Variants in DNAH11 observed in about 807,000 individuals in gnomAD.
DNAH11 encodes axonemal beta dynein heavy chain 11.
A neutral mutation model predicts 526.0 loss-of-function variants in DNAH11; 442 were observed. The observed-to-expected ratio is 0.84, with a 90% CI of 0.78 to 0.91. The LOEUF (loss-of-function observed/expected upper bound fraction) is 0.91. DNAH11 is among the 40% of genes least tolerant of loss of function. DNAH11 has a pLI of 0.00. For synonymous variants in DNAH11, 2,461 were observed against 1,935.9 expected, an observed-to-expected ratio of 1.27 and a Z score of -7.12; for missense variants, 6,989 against 5,448.7, an observed-to-expected ratio of 1.28 and a Z score of -8.90.
chr7:21,900,024 A>G lies in DNAH11; in HGVS notation c.13207A>G (p.Lys4403Glu), dbSNP rs985567563. ...TCGAAAAAATGAGTGGCCCCTGGATAAAACGCGCTTGACTGCTGATGTTAC... is the reference window on the plus strand; with the variant it reads ...TCGAAAAAATGAGTGGCCCCTGGATGAAACGCGCTTGACTGCTGATGTTAC... ...MARKNEWPLD[K>E]TRLTADVTKK... The change falls in exon 81 of 82, where the codon AAA becomes GAA. Residue 4403 changes from lysine (K) to glutamate (E), a missense_variant. By Grantham distance (56) the Lys-to-Glu change is moderately conservative. Transcript: ENST00000409508. The G allele has an allele frequency of 6.2e-7, 1 of 1,613,996 alleles. No homozygotes were observed. The highest frequency in any genetic ancestry group is 8.5e-7 in the Non-Finnish European group (1 of 1,179,872).
chr7:21,778,658 G>A (rs1274030710), intron 56 of DNAH11, among the ~76,000 whole-genome samples: 1 of 152,106 alleles, frequency 6.6e-6, no homozygotes, highest in African/African-American at 2.4e-5. Context: ...AGCAGACGTG[G>A]GTAAAGGAGC....
At position 21,560,211 on chromosome 7, in the gene DNAH11, A is replaced by C. The variant is rs188257241; in HGVS notation, c.882+419A>C. ...CTTACTTAAGGTTCTAAAAGTTAAG[A>C]CATCCATTCACATGTCTTTTGGAGA... On this transcript the variant is annotated intron_variant, in intron 4 of 81. Coordinates refer to ENST00000409508, the MANE Select transcript of DNAH11 (RefSeq NM_001277115.2). Among the ~76,000 whole-genome samples the C allele has an allele frequency of 2.6e-3, 396 of 152,346 alleles. 3 individuals carry two copies. The highest frequency in any genetic ancestry group is 3.7e-3 in the Non-Finnish European group (249 of 68,042).
At position 21,789,299 on chromosome 7, in the gene DNAH11, C is replaced by T; in HGVS notation, c.9983C>T (p.Ala3328Val). Reference protein sequence around the residue: ...QALAQANLELAAATEKLEAIR... With the variant: ...QALAQANLELVAATEKLEAIR... ...TTAGCCCAAGCAAACTTAGAACTGGCTGCAGCTACTGAAAAACTAGAGGCT... is the reference window on the plus strand; with the variant it reads ...TTAGCCCAAGCAAACTTAGAACTGGTTGCAGCTACTGAAAAACTAGAGGCT... The change falls in exon 61 of 82, where the codon GCT becomes GTT. Residue 3328 changes from alanine to valine, a missense_variant. By Grantham distance (64) the Ala-to-Val change is moderately conservative. Transcript: ENST00000409508. The T allele has an allele frequency of 1.3e-6, 2 of 1,576,880 alleles. No homozygotes were observed. The highest frequency in any genetic ancestry group is 1.7e-6 in the Non-Finnish European group (2 of 1,160,806).
At chr7:21,878,601 A>C (rs1305295180) in intron 74 of DNAH11, among the ~76,000 whole-genome samples, 2 of 152,202 alleles carry the variant, frequency 1.3e-5, no homozygotes, top group Non-Finnish European at 2.9e-5. Context: ...CAAGCCCCAT[A>C]AATGACCTAA....
chr7:21,813,530 T>C (rs1045332726), intron 63 of DNAH11, among the ~76,000 whole-genome samples: 2 of 152,232 alleles, frequency 1.3e-5, no homozygotes, highest in African/African-American at 4.8e-5. Context: ...AAACTGGCAG[T>C]ATTACCTCCA....
At chr7:21,852,170 C>A (rs1245472547) in intron 66 of DNAH11, among the ~76,000 whole-genome samples, 1 of 151,944 alleles carries the variant, frequency 6.6e-6, no homozygotes, top group Non-Finnish European at 1.5e-5. Flanking sequence ...TTTGGGAGGC[C>A]TAGGTGGGTG....
intron 46 of DNAH11, among the ~76,000 whole-genome samples, chr7:21,738,220 T>C (rs1785702598): frequency 6.6e-6 from 1 of 152,168 alleles, no homozygotes; most frequent in Non-Finnish European, 1.5e-5. Flanking sequence ...ACCTTGTGGA[T>C]AGTGTCTACA....
At position 21,852,452 on chromosome 7, in the gene DNAH11, C is replaced by G. The variant is rs989818232; in HGVS notation, c.10897-15C>G. The G allele has an allele frequency of 5.1e-6, 8 of 1,558,218 alleles. No homozygotes were observed. In the African/African-American group the frequency reaches 7.0e-5, roughly 14 times the overall value. The stretch of plus-strand genomic sequence containing the variant: ...CTTAACCACCATTTCCCACACTTTT[C>G]TTGGTTTTTATTAGTTGGTATTGAC... On this transcript the variant is annotated splice_polypyrimidine_tract_variant and intron_variant, in intron 66 of 81. Coordinates refer to ENST00000409508, the MANE Select transcript of DNAH11 (RefSeq NM_001277115.2).
At chr7:21,569,030 G>A (rs1049815717) in intron 6 of DNAH11, among the ~76,000 whole-genome samples, 2 of 152,138 alleles carry the variant, frequency 1.3e-5, no homozygotes, top group African/African-American at 4.8e-5. Flanking sequence ...CATAGATTGG[G>A]AAGGAGTCTA....
chr7:21,752,637 C>G (rs1394021908), intron 54 of DNAH11, among the ~76,000 whole-genome samples: 1 of 152,156 alleles, frequency 6.6e-6, no homozygotes, highest in East Asian at 1.9e-4. Context: ...AATGGATCCT[C>G]AGATCCATTT....
chr7:21,619,686 C>T (rs530899263), intron 24 of DNAH11, among the ~76,000 whole-genome samples: 3 of 152,284 alleles, frequency 2.0e-5, no homozygotes, highest in Admixed American at 1.3e-4. Flanking sequence ...ATTTAAGTCC[C>T]TTCCTGCTCT....
intron 61 of DNAH11, among the ~76,000 whole-genome samples, chr7:21,792,162 T>G (rs1788504626): frequency 6.6e-6 from 1 of 152,200 alleles, no homozygotes; most frequent in Non-Finnish European, 1.5e-5. Flanking sequence ...TTTTAGCATC[T>G]ATTAAAATGA....
intron 54 of DNAH11, among the ~76,000 whole-genome samples, chr7:21,759,777 C>T (rs1786815010): frequency 6.6e-6 from 1 of 152,112 alleles, no homozygotes; most frequent in African/African-American, 2.4e-5. Flanking sequence ...TAAATATGTA[C>T]TTACGATGAG....
intron 30 of DNAH11, among the ~76,000 whole-genome samples, chr7:21,669,641 A>T (rs956085574): frequency 2.1e-5 from 3 of 143,090 alleles, no homozygotes; most frequent in East Asian, 4.0e-4. Context: ...GTGTCTTTTT[A>T]AAAATGTTTT....
At chr7:21,765,394 C>G (rs781424760) in intron 54 of DNAH11, 34 bp from the exon 55 acceptor site, 2 of 1,612,558 alleles carry the variant, frequency 1.2e-6, no homozygotes, top group Non-Finnish European at 1.7e-6. Context: ...ATTCATCACC[C>G]GCCTGTTTCT....
At chr7:21,709,642 G>A (rs929863376) in intron 40 of DNAH11, among the ~76,000 whole-genome samples, 8 of 152,002 alleles carry the variant, frequency 5.3e-5, no homozygotes, top group Admixed American at 6.6e-5. Flanking sequence ...CTATCCTCTC[G>A]TCTTGTGTAC....
chr7:21,847,263 A>G (rs1359282520), intron 66 of DNAH11, among the ~76,000 whole-genome samples: 1 of 152,322 alleles, frequency 6.6e-6, no homozygotes, highest in South Asian at 2.1e-4. Flanking sequence ...TTTCTAAGGT[A>G]AAAGCTTAGA....
At chr7:21,838,217 C>T (rs1312932136) in intron 65 of DNAH11, among the ~76,000 whole-genome samples, 2 of 152,182 alleles carry the variant, frequency 1.3e-5, no homozygotes, top group Non-Finnish European at 2.9e-5. Flanking sequence ...AGAAAGATGT[C>T]CTTATCAAAC....
At chr7:21,568,288 G>A (rs1783752616) in intron 6 of DNAH11, among the ~76,000 whole-genome samples, 1 of 152,162 alleles carries the variant, frequency 6.6e-6, no homozygotes, top group African/African-American at 2.4e-5. Context: ...ACCATTGAGT[G>A]TGCGATGATA....
Sources: allele counts gnomAD v4.1 joint callset (sites outside exome capture counted in the v4.1 genomes callset), GRCh38; gene constraint gnomAD v4.1.1; transcripts MANE v1.5; gene names NCBI Gene and HGNC (gene_info 2026-07-23, HGNC 2026-07-21).